The following PAK1 variants were observed in gnomAD, a reference collection of about 807,000 sequenced individuals.
PAK1 encodes serine/threonine-protein kinase PAK 1.
In PAK1, 29 loss-of-function variants were observed where a neutral mutation model predicts 67.4. The observed-to-expected ratio is 0.43, with a 90% CI of 0.32 to 0.59. The LOEUF is 0.59. Ranked by LOEUF, PAK1 falls within the 20% of genes least tolerant of loss-of-function variation. The pLI is 0.07. For missense variants in PAK1, 337 were observed against 670.7 expected, an observed-to-expected ratio of 0.50 and a Z score of 5.50; for synonymous variants, 223 against 237.4, an observed-to-expected ratio of 0.94 and a Z score of 0.56.
chr11:77,363,562 T>C (rs1947091255), intron 5 of PAK1, among the ~76,000 whole-genome samples: 1 of 152,262 alleles, frequency 6.6e-6, no homozygotes, highest in African/African-American at 2.4e-5. Flanking sequence ...AGGCACCATA[T>C]TCTCTTACCT....
chr11:77,325,194 T>C (rs933666138), intron 14 of PAK1: 4 of 986,804 alleles, frequency 4.1e-6, no homozygotes, highest in Non-Finnish European at 5.8e-6. Flanking sequence ...TCCTTCTCTG[T>C]CTAATAAACA....
chr11:77,368,853 C>T lies in PAK1; in HGVS notation c.477+5475G>A, dbSNP rs114703788. ...TTTGTATTACAGGCGTGAGCCACCG[C>T]GCCTGGCCGGTAAAAATACTTTTAA... On this transcript the variant is annotated intron_variant, in intron 5 of 14. Transcript: ENST00000356341. Among the ~76,000 whole-genome samples, 1,205 of 152,120 alleles carry T rather than the reference C, an allele frequency of 7.9e-3. 19 individuals are homozygous for T. The highest frequency in any genetic ancestry group is 0.028 in the African/African-American group (1,154 of 41,470).
chr11:77,339,849 C>T (rs1943315044), intron 11 of PAK1, among the ~76,000 whole-genome samples: 1 of 151,088 alleles, frequency 6.6e-6, no homozygotes, highest in East Asian at 1.9e-4. Context: ...TAAGTAATGG[C>T]AAAAACCGCA....
intron 1 of PAK1, among the ~76,000 whole-genome samples, chr11:77,438,477 G>C (rs925985904): frequency 2.6e-5 from 4 of 152,128 alleles, no homozygotes; most frequent in African/African-American, 9.7e-5. Context: ...AGCTTCTTTA[G>C]GTGCTCTATA....
At chr11:77,432,024 A>G (rs1009860136) in intron 1 of PAK1, among the ~76,000 whole-genome samples, 1 of 152,134 alleles carries the variant, frequency 6.6e-6, no homozygotes, top group African/African-American at 2.4e-5. Flanking sequence ...CTCCTCAATT[A>G]ACGTGAATAA....
intron 14 of PAK1, among the ~76,000 whole-genome samples, chr11:77,330,394 G>A (rs1002266338): frequency 9.2e-5 from 14 of 152,124 alleles, no homozygotes; most frequent in African/African-American, 3.4e-4. Context: ...ATACTACAAG[G>A]CTACAGTAAC....
intron 2 of PAK1, among the ~76,000 whole-genome samples, chr11:77,380,412 G>A (rs763831328): frequency 1.3e-5 from 2 of 152,176 alleles, no homozygotes; most frequent in Non-Finnish European, 2.9e-5. Context: ...AGGATCATTT[G>A]AGCCCAGGAT....
intron 1 of PAK1, among the ~76,000 whole-genome samples, chr11:77,417,348 T>C (rs1955019662): frequency 6.6e-6 from 1 of 152,092 alleles, no homozygotes; most frequent in South Asian, 2.1e-4. Flanking sequence ...GAACCTGAAA[T>C]GTAGATTTCT....
chr11:77,415,027 G>A (rs1285012775), intron 1 of PAK1, among the ~76,000 whole-genome samples: 1 of 151,894 alleles, frequency 6.6e-6, no homozygotes. Context: ...TTAAAACTCA[G>A]TAAGAAGTGA....
At chr11:77,324,857 C>T (rs148578603) in intron 14 of PAK1, among the ~76,000 whole-genome samples, 1 of 151,876 alleles carries the variant, frequency 6.6e-6, no homozygotes, top group African/African-American at 2.4e-5. Flanking sequence ...CTGAGAATTG[C>T]TGCAACTTCT....
At chr11:77,406,686 G>C (rs1305238730) in intron 1 of PAK1, among the ~76,000 whole-genome samples, 3 of 152,232 alleles carry the variant, frequency 2.0e-5, no homozygotes, top group Non-Finnish European at 4.4e-5. Context: ...GCTGAGGTGG[G>C]AGGATTGCTT....
the PAK1 span, among the ~76,000 whole-genome samples, chr11:77,527,233 G>A: frequency 6.6e-6 from 1 of 152,026 alleles, no homozygotes; most frequent in Non-Finnish European, 1.5e-5. Flanking sequence ...CTCCTGAGTA[G>A]CTGGGATGAC....
chr11:77,485,891 G>A, the PAK1 span, among the ~76,000 whole-genome samples: 372 of 152,292 alleles, frequency 2.4e-3, 2 homozygotes, highest in African/African-American at 8.3e-3. Flanking sequence ...TAGTTCCGTC[G>A]ATGGTTTTTT....
chr11:77,416,622 T>TA (rs1378279385), intron 1 of PAK1, among the ~76,000 whole-genome samples: 3 of 152,182 alleles, frequency 2.0e-5, no homozygotes, highest in Non-Finnish European at 4.4e-5. Flanking sequence ...TATAAACCAG[T>TA]AACAGAGTCA....
chr11:77,428,571 C>CA (rs34457093), intron 1 of PAK1, among the ~76,000 whole-genome samples: 4,011 of 110,936 alleles, frequency 0.036, 102 homozygotes, highest in African/African-American at 0.076. Context: ...GACTCCATCT[C>CA]AAAAAAAAAA....
At chr11:77,518,772 T>C in the PAK1 span, among the ~76,000 whole-genome samples, 2 of 152,212 alleles carry the variant, frequency 1.3e-5, no homozygotes, top group African/African-American at 4.8e-5. Flanking sequence ...TTTTCCCATT[T>C]ATTTTGTTCC....
chr11:77,374,897 T>C (rs2725827), intron 4 of PAK1, among the ~76,000 whole-genome samples: 37,385 of 152,100 alleles, frequency 0.25, 5,686 homozygotes, highest in South Asian at 0.45. Context: ...GATACACCTA[T>C]ATGAGCACTT....
At chr11:77,503,500 C>T in the PAK1 span, among the ~76,000 whole-genome samples, 1 of 152,130 alleles carries the variant, frequency 6.6e-6, no homozygotes, top group Non-Finnish European at 1.5e-5. Flanking sequence ...TATTGAGAAC[C>T]CCAAAGAATG....
intron 5 of PAK1, among the ~76,000 whole-genome samples, chr11:77,364,294 T>C (rs1041565594): frequency 2.0e-5 from 3 of 152,186 alleles, no homozygotes; most frequent in Non-Finnish European, 4.4e-5. Context: ...TACCTACACA[T>C]AGATCCATCA....
Sources: allele counts gnomAD v4.1 joint callset (sites outside exome capture counted in the v4.1 genomes callset), GRCh38; gene constraint gnomAD v4.1.1; transcripts MANE v1.5; gene names NCBI Gene and HGNC (gene_info 2026-07-23, HGNC 2026-07-21).